Variants in EFEMP1 observed in about 807,000 individuals in gnomAD.
EFEMP1 encodes EGF-like fibulin extracellular matrix protein 1.
A neutral mutation model predicts 65.7 loss-of-function variants in EFEMP1; 18 were observed. The ratio of observed to expected loss-of-function variants is 0.27; its 90% CI spans 0.19 to 0.41. The LOEUF (loss-of-function observed/expected upper bound fraction) is 0.41. EFEMP1 is among the 10% of genes least tolerant of loss of function. The pLI is 1.00. For synonymous variants in EFEMP1, 237 were observed against 219.7 expected (o/e 1.08, Z -0.70); for missense variants, 469 against 624.8 (o/e 0.75, Z 2.66).
In EFEMP1 at chr2:55,866,087, C is replaced by T. The variant is rs1365314951; in HGVS notation, c.*986G>A. 6.6e-6 allele frequency: 1 copy of T among 152,092 alleles called. No homozygotes were observed. Among genetic ancestry groups the T allele is most frequent in the African/African-American group, 2.4e-5 (1 of 41,402 alleles). The allele number at this position is 152,092 out of a possible 1,614,324, so 9.4% of individuals were successfully genotyped here. On this transcript the variant is annotated 3_prime_UTR_variant, in exon 12 of 12. Coordinates refer to ENST00000355426, the MANE Select transcript of EFEMP1 (RefSeq NM_001039348.3). ...TAGAATTGGGTAGGAGGGTAATTTG[C>T]TTAAGTTCACTGTCACTCTGGATGC...
chr2:55,896,008 C>G (rs1055447490), intron 5 of EFEMP1, among the ~76,000 whole-genome samples: 9 of 152,212 alleles, frequency 5.9e-5, no homozygotes, highest in Middle Eastern at 3.4e-3. Flanking sequence ...GCTCTGACCA[C>G]CAAAGTCTGG....
intron 8 of EFEMP1, 137 bp downstream of exon 8, chr2:55,876,486 T>C (rs936613988): frequency 7.2e-6 from 9 of 1,250,976 alleles, no homozygotes; most frequent in Non-Finnish European, 9.9e-6. Context: ...ATGTAACAAC[T>C]GAACTACATT....
rs541961948 is a variant in EFEMP1 at position 55,886,985 on chromosome 2, C to T, written c.518-5251G>A. The stretch of plus-strand genomic sequence containing the variant: ...TATTTTATACAGATTCATATACAAA[C>T]TTGGTAACATTCTAAAATTAATTGG... On this transcript the variant is annotated intron_variant, in intron 5 of 11. Coordinates refer to ENST00000355426, the MANE Select transcript of EFEMP1 (RefSeq NM_001039348.3). This position sits in a 1 kb window ranked among gnomAD's most constrained non-coding sequence, Gnocchi z 4.0. Among the ~76,000 whole-genome samples the T allele has an allele frequency of 1.4e-4, 22 of 152,032 alleles. No homozygotes were observed. Among genetic ancestry groups the T allele is most frequent in the African/African-American group, 5.1e-4 (21 of 41,458 alleles).
In EFEMP1 at chr2:55,922,659, G is replaced by T; in HGVS notation, c.-7-212C>A. On this transcript the variant is annotated intron_variant, in intron 2 of 11. Coordinates refer to ENST00000355426, the MANE Select transcript of EFEMP1 (RefSeq NM_001039348.3). The surrounding 1 kb of genome is among the most constrained non-coding windows in gnomAD (Gnocchi z 5.5). ...CAGCAAAGACGTAAAAACTGCTGTA[G>T]AATTGCATTTCACGTTACTCCATCC... 1 of 558,996 alleles carries T rather than the reference G, an allele frequency of 1.8e-6. No individual in the cohort carries two copies. The highest frequency in any genetic ancestry group is 3.2e-6 in the Non-Finnish European group (1 of 316,200). The allele number at this position is 558,996 out of a possible 1,614,324, so 34.6% of individuals were successfully genotyped here.
rs776431922 is a variant in EFEMP1, at chr2:55,881,627, C to A, written c.625G>T (p.Gly209Trp). 6.2e-7 allele frequency: 1 copy of A among 1,613,808 alleles called. No homozygotes were observed. The change falls in exon 6 of 12, where the codon GGG becomes TGG. Residue 209 changes from glycine to tryptophan, a missense_variant. Gly to Trp is a radical substitution (Grantham distance 184, BLOSUM62 -2). Coordinates refer to ENST00000355426, the MANE Select transcript of EFEMP1 (RefSeq NM_001039348.3). ...TGGTACTTACCTACGCACTGCTCCC[C>A]TCGCTTCTGATATCCAGGAGGGCAC... ...CQCPPGYQKR[G>W]EQCVDIDECT...
chr2:55,894,910 C>T (rs1669757701), intron 5 of EFEMP1, among the ~76,000 whole-genome samples: 1 of 152,168 alleles, frequency 6.6e-6, no homozygotes, highest in African/African-American at 2.4e-5. Flanking sequence ...GTCATCCTAG[C>T]CTATCAATCA....
chr2:55,890,122 A>T (rs1669579561), intron 5 of EFEMP1, among the ~76,000 whole-genome samples: 1 of 152,058 alleles, frequency 6.6e-6, no homozygotes, highest in African/African-American at 2.4e-5. Flanking sequence ...GATTAAAATA[A>T]AAAAGATGGA....
chr2:55,898,877 G>A (rs908062476), intron 5 of EFEMP1, among the ~76,000 whole-genome samples: 7 of 152,058 alleles, frequency 4.6e-5, no homozygotes, highest in African/African-American at 1.4e-4. Context: ...GAGGGCTGAC[G>A]TCAGTATGAT....
chr2:55,918,372 G>A, intron 3 of EFEMP1, 105 bp from the exon 4 acceptor site: 1 of 1,322,662 alleles, frequency 7.6e-7, no homozygotes, highest in South Asian at 1.2e-5. Flanking sequence ...CAATCCTTGT[G>A]CTAAAGTCCT....
intron 5 of EFEMP1, among the ~76,000 whole-genome samples, chr2:55,893,476 C>A (rs1669707886): frequency 6.6e-6 from 1 of 152,110 alleles, no homozygotes; most frequent in African/African-American, 2.4e-5. Context: ...GGTCTCAGTT[C>A]AAATCCAAGC....
At position 55,873,119 on chromosome 2, in the gene EFEMP1, G is replaced by C. The variant is rs1390965359; in HGVS notation, c.1000+1827C>G. ...ACACACACAGTTTTCATTTGTATAG[G>C]CCTGTGAAATGAGAACAGTTATTTC... On this transcript the variant is annotated intron_variant, in intron 9 of 11. Transcript: ENST00000355426. The surrounding 1 kb of genome is among the most constrained non-coding windows in gnomAD (Gnocchi z 4.6). 1.4e-5 allele frequency among the ~76,000 whole-genome samples: 2 copies of C among 141,846 alleles called. No homozygotes were observed. The highest frequency in any genetic ancestry group is 7.1e-5 in the Admixed American group (1 of 14,072). 93.1% of individuals were successfully genotyped at this position (141,846 alleles called of 152,430 possible).
At chr2:55,898,086 A>G (rs1669896041) in intron 5 of EFEMP1, among the ~76,000 whole-genome samples, 1 of 151,872 alleles carries the variant, frequency 6.6e-6, no homozygotes, top group South Asian at 2.1e-4. Context: ...TCAGTCATAC[A>G]CTACGATTAA....
intron 6 of EFEMP1, among the ~76,000 whole-genome samples, chr2:55,878,541 T>C (rs1198218788): frequency 6.6e-6 from 1 of 152,188 alleles, no homozygotes. Context: ...AGAAGCATAA[T>C]AAAATTTCAT....
intron 5 of EFEMP1, among the ~76,000 whole-genome samples, chr2:55,904,985 C>CTTTTTTTTTTTTTTTTTTTTTTT (rs1168768201): frequency 1.3e-4 from 3 of 23,190 alleles, no homozygotes; most frequent in Admixed American, 3.9e-4. Flanking sequence ...TTTTCTTTTT[C>CTTTTTTTTTTTTTTTTTTTTTTT]TTTTTTTTTT....
rs1338337669 is a variant in EFEMP1, at chr2:55,896,460, ATT to A, written c.518-14728_518-14727del. On this transcript the variant is annotated intron_variant, in intron 5 of 11. Transcript: ENST00000355426. ...AACTAGAAATGGCCTGAAACGATGC[ATT>A]ACCTGTTGATTCAATTTTTAAGGCT... is the stretch of plus-strand genomic sequence containing the variant. Among the ~76,000 whole-genome samples, 19 of 152,208 alleles carry A rather than the reference ATT, an allele frequency of 1.2e-4. 1 individual carries two copies. The highest frequency in any genetic ancestry group is 2.5e-4 in the Non-Finnish European group (17 of 68,032).
intron 5 of EFEMP1, among the ~76,000 whole-genome samples, chr2:55,902,091 A>C (rs1326130431): frequency 6.6e-6 from 1 of 152,232 alleles, no homozygotes; most frequent in Admixed American, 6.5e-5. Context: ...GGACCCAGCT[A>C]AGCCACAACT....
rs998173526 is a variant in EFEMP1, at chr2:55,884,410, T to C, written c.518-2676A>G. 7.2e-5 allele frequency among the ~76,000 whole-genome samples: 11 copies of C among 152,210 alleles called. 1 individual carries two copies. The highest frequency in any genetic ancestry group is 5.9e-4 in the Admixed American group (9 of 15,264). The stretch of plus-strand genomic sequence containing the variant: ...ATAAATACCAGAAAGCTCACTATGA[T>C]ACAAAATTTACTAAAATGGACAATG... On this transcript the variant is annotated intron_variant, in intron 5 of 11. Transcript: ENST00000355426.
At chr2:55,913,423 G>T (rs994149364) in intron 5 of EFEMP1, among the ~76,000 whole-genome samples, 2 of 152,086 alleles carry the variant, frequency 1.3e-5, no homozygotes, top group Non-Finnish European at 2.9e-5. Context: ...ATTTCTCGAT[G>T]GCACAGTTTC....
At chr2:55,875,333 T>TACACACACAC (rs1340819904) in intron 8 of EFEMP1, among the ~76,000 whole-genome samples, 32 of 126,934 alleles carry the variant, frequency 2.5e-4, no homozygotes, top group South Asian at 2.4e-3. Context: ...GGGTTTCATA[T>TACACACACAC]ATACACACAC....
Sources: allele counts gnomAD v4.1 joint callset (sites outside exome capture counted in the v4.1 genomes callset), GRCh38; gene constraint gnomAD v4.1.1; non-coding constraint Gnocchi (gnomAD v3.1); transcripts MANE v1.5; gene names NCBI Gene and HGNC (gene_info 2026-07-23, HGNC 2026-07-21).